The following LRMDA variants were observed in gnomAD, a reference collection of about 807,000 sequenced individuals.
LRMDA encodes leucine rich melanocyte differentiation associated.
Under a neutral mutation model 29.8 loss-of-function variants are expected in LRMDA, and 18 were observed. The observed-to-expected ratio is 0.60, with a 90% CI of 0.42 to 0.90. The LOEUF (loss-of-function observed/expected upper bound fraction) is 0.90. Among genes scored for constraint, LRMDA ranks in the 40% least tolerant of loss-of-function variants. The probability of loss-of-function intolerance (pLI) is 0.00; values close to 1 mark genes in which losing one functional copy is unlikely to be tolerated. For synonymous variants in LRMDA, 125 were observed against 109.4 expected (o/e 1.14, Z -0.89); for missense variants, 273 against 273.9 (o/e 1.00, Z 0.02).
chr10:76,408,298 G>A (rs1024800161), intron 6 of LRMDA, among the ~76,000 whole-genome samples: 1 of 152,166 alleles, frequency 6.6e-6, no homozygotes, highest in Non-Finnish European at 1.5e-5. Context: ...TGGAGCCCAA[G>A]TAGAACTAGA....
intron 5 of LRMDA, among the ~76,000 whole-genome samples, chr10:76,197,813 G>A (rs1280453038): frequency 2.6e-5 from 4 of 151,924 alleles, no homozygotes; most frequent in African/African-American, 4.8e-5. Context: ...CCAGCTACTC[G>A]GGAGTCTGAG....
intron 5 of LRMDA, among the ~76,000 whole-genome samples, chr10:76,078,854 C>CA (rs34775672): frequency 2.0e-5 from 3 of 151,452 alleles, no homozygotes; most frequent in Admixed American, 6.6e-5. Flanking sequence ...AACAAACAAA[C>CA]AAAAAAAATG....
chr10:75,850,950 A>G (rs2132310754), intron 2 of LRMDA, among the ~76,000 whole-genome samples: 1 of 152,290 alleles, frequency 6.6e-6, no homozygotes, highest in South Asian at 2.1e-4. Context: ...ATGACACAGA[A>G]ATATTTTAAA....
intron 6 of LRMDA, among the ~76,000 whole-genome samples, chr10:76,547,492 G>A (rs1258268445): frequency 6.6e-6 from 1 of 150,378 alleles, no homozygotes; most frequent in Non-Finnish European, 1.5e-5. Context: ...AATAGTTGCC[G>A]CCATTTATTT....
chr10:76,362,923 A>G (rs1475593382), intron 6 of LRMDA, among the ~76,000 whole-genome samples: 1 of 151,368 alleles, frequency 6.6e-6, no homozygotes, highest in African/African-American at 2.4e-5. Flanking sequence ...CTGATTTTCT[A>G]TTTTACCAGC....
At chr10:76,451,252 A>C (rs1231525666) in intron 6 of LRMDA, among the ~76,000 whole-genome samples, 1 of 151,348 alleles carries the variant, frequency 6.6e-6, no homozygotes, top group East Asian at 2.0e-4. Context: ...CCCAGGCTGG[A>C]GTGCAGTGGT....
chr10:76,024,055 C>G (rs1848020963), intron 2 of LRMDA, among the ~76,000 whole-genome samples: 1 of 152,132 alleles, frequency 6.6e-6, no homozygotes, highest in Admixed American at 6.5e-5. Flanking sequence ...CTCACAAAAC[C>G]AGGACTTGAA....
intron 4 of LRMDA, among the ~76,000 whole-genome samples, chr10:76,050,544 C>G (rs931771901): frequency 6.6e-6 from 1 of 152,142 alleles, no homozygotes; most frequent in Non-Finnish European, 1.5e-5. Flanking sequence ...GGAGCTTAAA[C>G]CTGTCTGTGA....
intron 5 of LRMDA, among the ~76,000 whole-genome samples, chr10:76,147,577 T>G (rs1172306823): frequency 2.6e-5 from 4 of 152,074 alleles, no homozygotes; most frequent in Admixed American, 6.5e-5. Context: ...ATTCTAGTTA[T>G]CCATTCGTCT....
At chr10:76,522,343 C>A (rs1427968221) in intron 6 of LRMDA, among the ~76,000 whole-genome samples, 2 of 152,172 alleles carry the variant, frequency 1.3e-5, no homozygotes, top group Non-Finnish European at 2.9e-5. Flanking sequence ...AAGCAAAAGG[C>A]AACTATAATT....
intron 2 of LRMDA, among the ~76,000 whole-genome samples, chr10:75,976,774 A>G (rs769314190): frequency 4.6e-5 from 7 of 152,240 alleles, no homozygotes; most frequent in African/African-American, 1.7e-4. Flanking sequence ...TGAATGCAGT[A>G]GCTCAAGGGC....
chr10:76,259,243 C>G (rs1839904021), intron 5 of LRMDA, among the ~76,000 whole-genome samples: 1 of 151,978 alleles, frequency 6.6e-6, no homozygotes, highest in African/African-American at 2.4e-5. Flanking sequence ...AAATATATTT[C>G]TTGGCCATTC....
At position 75,978,638 on chromosome 10, in the gene LRMDA, T is replaced by C. The variant is rs116454341; in HGVS notation, c.132-57370T>C. On this transcript the variant is annotated intron_variant, in intron 2 of 6. Transcript: ENST00000611255. ...GTGAACTATCAGTGAGTTTCCAGTA[T>C]TGTCCTGTGGTTTTGTGACTTGAGG... 6.7e-3 allele frequency among the ~76,000 whole-genome samples: 1,028 copies of C among 152,332 alleles called. 9 individuals are homozygous for C. The highest frequency in any genetic ancestry group is 0.023 in the African/African-American group (968 of 41,572).
chr10:75,567,893 T>A (rs991292752), intron 2 of LRMDA, among the ~76,000 whole-genome samples: 10 of 152,074 alleles, frequency 6.6e-5, no homozygotes, highest in African/African-American at 2.4e-4. Flanking sequence ...AGAATAGGGG[T>A]GATGTATGAG....
chr10:75,918,442 G>A (rs1201645150), intron 2 of LRMDA, among the ~76,000 whole-genome samples: 6 of 152,102 alleles, frequency 3.9e-5, no homozygotes, highest in African/African-American at 1.4e-4. Context: ...GAAAGCAGGA[G>A]CGAGCGAGAG....
At chr10:75,593,743 C>T (rs915735033) in intron 2 of LRMDA, among the ~76,000 whole-genome samples, 6 of 152,090 alleles carry the variant, frequency 3.9e-5, no homozygotes, top group Non-Finnish European at 5.9e-5. Flanking sequence ...TGGAAGTTCA[C>T]GTCAGGGGCT....
At chr10:75,941,247 A>C (rs1347175383) in intron 2 of LRMDA, among the ~76,000 whole-genome samples, 16 of 152,210 alleles carry the variant, frequency 1.1e-4, no homozygotes, top group Admixed American at 1.0e-3. Context: ...CTGGCCAAGG[A>C]AAGGCGAGTA....
chr10:75,677,744 TG>T (rs1023422655), intron 2 of LRMDA, among the ~76,000 whole-genome samples: 2 of 152,168 alleles, frequency 1.3e-5, no homozygotes, highest in African/African-American at 2.4e-5. Context: ...GTGTGGATTT[TG>T]GCTTGGAGTC....
At chr10:75,816,187 A>G (rs1465516177) in intron 2 of LRMDA, among the ~76,000 whole-genome samples, 2 of 152,148 alleles carry the variant, frequency 1.3e-5, no homozygotes. Flanking sequence ...TCGGCTTTCT[A>G]TCTGCCTATA....
Sources: gnomAD v4.1 joint callset for allele counts (sites outside exome capture counted in the v4.1 genomes callset) on GRCh38, gnomAD v4.1.1 for gene constraint, MANE v1.5 for transcripts, NCBI Gene and HGNC (gene_info 2026-07-23, HGNC 2026-07-21) for gene names.